Variants in FHAD1 observed in about 807,000 individuals in gnomAD.
The protein encoded by FHAD1 is forkhead associated phosphopeptide binding domain 1, also known as forkhead-associated domain-containing protein 1.
Under a neutral mutation model 191.3 loss-of-function variants are expected in FHAD1, and 146 were observed. The ratio of observed to expected loss-of-function variants is 0.76; its 90% CI spans 0.67 to 0.88. The LOEUF (loss-of-function observed/expected upper bound fraction) is 0.88. Among genes scored for constraint, FHAD1 ranks in the 40% least tolerant of loss-of-function variants. The pLI is 0.00. For missense variants in FHAD1, 1,635 were observed against 1,785.8 expected (o/e 0.92, Z 1.52); for synonymous variants, 616 against 672.3 (o/e 0.92, Z 1.29).
chr1:15,345,309 C>T, intron 17 of FHAD1, 107 bp from the exon 18 acceptor site: 7 of 1,343,052 alleles, frequency 5.2e-6, no homozygotes, highest in Non-Finnish European at 3.1e-6. Context: ...TCCACAGTCC[C>T]CTAGGGAGGT....
intron 3 of FHAD1, among the ~76,000 whole-genome samples, chr1:15,277,637 T>C (rs185434394): frequency 4.3e-4 from 66 of 152,310 alleles, no homozygotes; most frequent in African/African-American, 1.5e-3. Context: ...AGTTCCTCAC[T>C]GCAGTGCTGC....
At chr1:15,331,574 GGAAGGGTGGGTGGATA>G (rs1681550269) in intron 14 of FHAD1, among the ~76,000 whole-genome samples, 1 of 143,504 alleles carries the variant, frequency 7.0e-6, no homozygotes, top group Non-Finnish European at 1.5e-5. Context: ...ATGGATGGGA[GGAAGGGTGGGTGGATA>G]GAAGGGTGGG....
intron 33 of FHAD1, among the ~76,000 whole-genome samples, chr1:15,394,999 C>T (rs1320464895): frequency 6.6e-6 from 1 of 152,080 alleles, no homozygotes; most frequent in Admixed American, 6.6e-5. Flanking sequence ...TATAAAGATA[C>T]AGAAATGAAT....
At chr1:15,273,991 G>A (rs1462030720) in intron 3 of FHAD1, among the ~76,000 whole-genome samples, 1 of 152,128 alleles carries the variant, frequency 6.6e-6, no homozygotes, top group East Asian at 1.9e-4. Flanking sequence ...GAAATCATAC[G>A]ATATTTGTCC....
At chr1:15,336,125 A>G (rs1683962589) in intron 14 of FHAD1, among the ~76,000 whole-genome samples, 1 of 152,198 alleles carries the variant, frequency 6.6e-6, no homozygotes, top group Admixed American at 6.5e-5. Flanking sequence ...CCCTTTGAAA[A>G]GAGATTGACA....
Position 15,388,127 on chromosome 1 carries a change from G to A in FHAD1, c.4265G>A (p.Arg1422Lys), listed in dbSNP as rs1285074375. 4 of 1,289,078 alleles carry A rather than the reference G, an allele frequency of 3.1e-6. No homozygotes were observed. The Admixed American group carries it at 9.2e-5, about 30-fold the overall frequency. The allele number at this position is 1,289,078 out of a possible 1,614,324, so 79.9% of individuals were successfully genotyped here. Residue 1422 changes from arginine to lysine, a missense_variant, in exon 32 of 34, where the codon AGG becomes AAG. By Grantham distance (26) the Arg-to-Lys change is conservative. Coordinates refer to ENST00000688493, the MANE Select transcript of FHAD1 (RefSeq NM_001391957.1). ...PCNCAFKEKD[R>K]QRRVFVEMVK... Reference sequence around the variant, plus strand: ...AACTGTGCCTTCAAAGAGAAAGACAGGCAGGTATGGGAGGTGTTCTGATGT... The same window carrying A: ...AACTGTGCCTTCAAAGAGAAAGACAAGCAGGTATGGGAGGTGTTCTGATGT...
intron 26 of FHAD1, 41 bp from the exon 27 acceptor site, chr1:15,374,461 T>G: frequency 6.5e-7 from 1 of 1,549,798 alleles, no homozygotes; most frequent in Non-Finnish European, 8.7e-7. Context: ...AGAAATCTTC[T>G]AATCCCTGAT....
intron 3 of FHAD1, among the ~76,000 whole-genome samples, chr1:15,275,175 G>A (rs1344573895): frequency 1.3e-5 from 2 of 152,066 alleles, no homozygotes; most frequent in African/African-American, 4.8e-5. Context: ...TGTTAGCCAG[G>A]ATGGTCTCGA....
rs571623144 is a variant in FHAD1 at position 15,335,534 on chromosome 1, C to T, written c.1907-3947C>T. On this transcript the variant is annotated intron_variant, in intron 14 of 33. Coordinates refer to ENST00000688493, the MANE Select transcript of FHAD1 (RefSeq NM_001391957.1). ...CAAAAGAACAACCTTGAGAAAAAGA[C>T]ATCAAACTGTTAGGAGTATTATCCC... The T allele has an allele frequency of 4.0e-5, 6 of 151,518 alleles. No homozygotes were observed. In the South Asian group the frequency reaches 1.0e-3, roughly 26 times the overall value. The allele number at this position is 151,518 out of a possible 1,614,324, so 9.4% of individuals were successfully genotyped here. A position where few individuals can be genotyped will look rare whatever the true frequency, so the allele number is the denominator to read the frequency against.
At chr1:15,346,839 T>C (rs1422129640) in intron 18 of FHAD1, among the ~76,000 whole-genome samples, 3 of 152,124 alleles carry the variant, frequency 2.0e-5, no homozygotes, top group Non-Finnish European at 4.4e-5. Context: ...CTGCCTCCCT[T>C]CTCGAAGGGG....
At chr1:15,300,049 A>G (rs1255945133) in intron 5 of FHAD1, among the ~76,000 whole-genome samples, 1 of 152,252 alleles carries the variant, frequency 6.6e-6, no homozygotes, top group Non-Finnish European at 1.5e-5. Context: ...GGAAAATTGC[A>G]TGGAGAGCAG....
rs1490389533 is a variant in FHAD1 at position 15,295,760 on chromosome 1, T to C, written c.569-924T>C. On this transcript the variant is annotated intron_variant, in intron 4 of 33. Coordinates refer to ENST00000688493, the MANE Select transcript of FHAD1 (RefSeq NM_001391957.1). ...ATCTATTTCTTGTTATAAATCCCAA[T>C]ATCACAGAACCAGACATAAATAAGG... 2.0e-5 allele frequency among the ~76,000 whole-genome samples: 3 copies of C among 152,330 alleles called. No individual in the cohort carries two copies. The East Asian group carries it at 5.8e-4, about 29-fold the overall frequency.
chr1:15,251,851 C>T lies in FHAD1; in HGVS notation c.67C>T (p.His23Tyr). ...AAATAAAAGTACCACAATTGGAAGGCATGAAAATTCAGACCTTGTTTTACA... is the reference window on the plus strand; with the variant it reads ...AAATAAAAGTACCACAATTGGAAGGTATGAAAATTCAGACCTTGTTTTACA... The part of the protein sequence containing the change: ...VLNKSTTIGR[H>Y]ENSDLVLQSP... Residue 23 changes from histidine to tyrosine, a missense_variant, in exon 2 of 34, where the codon CAT becomes TAT. His to Tyr is a moderately conservative substitution (Grantham distance 83, BLOSUM62 2). Coordinates refer to ENST00000688493, the MANE Select transcript of FHAD1 (RefSeq NM_001391957.1). The T allele has an allele frequency of 6.4e-7, 1 of 1,552,342 alleles. No individual in the cohort carries two copies. Among genetic ancestry groups the T allele is most frequent in the East Asian group, 2.4e-5 (1 of 40,924 alleles).
chr1:15,290,714 C>T (rs561638809), intron 4 of FHAD1, among the ~76,000 whole-genome samples: 3 of 146,684 alleles, frequency 2.0e-5, no homozygotes, highest in East Asian at 2.0e-4. Context: ...TTTTTTTGGA[C>T]GGAGTCTCCC....
chr1:15,315,462 G>A (rs566530605), intron 8 of FHAD1, among the ~76,000 whole-genome samples: 33 of 150,682 alleles, frequency 2.2e-4, no homozygotes, highest in Admixed American at 1.7e-3. Flanking sequence ...AAACAGCCCC[G>A]GGTTATCGGA....
At chr1:15,383,140 T>C in intron 31 of FHAD1, 1 of 471,824 alleles carries the variant, frequency 2.1e-6, no homozygotes, top group Non-Finnish European at 4.4e-6. Context: ...TCTCTGAGCC[T>C]TGCTTTCCTC....
At chr1:15,351,138 A>G (rs543442654) in intron 19 of FHAD1, among the ~76,000 whole-genome samples, 44 of 152,272 alleles carry the variant, frequency 2.9e-4, no homozygotes, top group Non-Finnish European at 4.7e-4. Context: ...TGAGGTTGGG[A>G]GTTCAAGACC....
chr1:15,305,722 C>T (rs540726011), intron 6 of FHAD1: 9 of 439,848 alleles, frequency 2.0e-5, no homozygotes, highest in East Asian at 7.9e-5. Context: ...CAGGGGTTTC[C>T]GCTTTTGCTT....
At chr1:15,283,906 T>C (rs1041951322) in intron 3 of FHAD1, among the ~76,000 whole-genome samples, 12 of 152,236 alleles carry the variant, frequency 7.9e-5, no homozygotes, top group Admixed American at 7.2e-4. Context: ...AAGATCCTTT[T>C]GCAAGTATGG....
Sources: gnomAD v4.1 joint callset for allele counts (sites outside exome capture counted in the v4.1 genomes callset) on GRCh38, gnomAD v4.1.1 for gene constraint, MANE v1.5 for transcripts, NCBI Gene and HGNC (gene_info 2026-07-23, HGNC 2026-07-21) for gene names.